The following VTI1A variants were observed in gnomAD, a reference collection of about 807,000 sequenced individuals.
The protein encoded by VTI1A is vesicle transport through interaction with t-SNAREs 1A.
Under a neutral mutation model 34.9 loss-of-function variants are expected in VTI1A, and 22 were observed. The observed-to-expected ratio is 0.63, with a 90% confidence interval of 0.45 to 0.90. The LOEUF is 0.90. VTI1A is among the 40% of genes least tolerant of loss of function. The pLI is 0.00. For synonymous variants in VTI1A, 87 were observed against 97.3 expected (o/e 0.89, Z 0.62); for missense variants, 268 against 275.6 (o/e 0.97, Z 0.20).
intron 7 of VTI1A, among the ~76,000 whole-genome samples, chr10:112,683,967 C>T (rs1020463030): frequency 2.0e-5 from 3 of 151,050 alleles, no homozygotes; most frequent in Admixed American, 6.6e-5. Flanking sequence ...CGCTTGAACC[C>T]GGGAGGTAGA....
intron 7 of VTI1A, among the ~76,000 whole-genome samples, chr10:112,706,351 T>C (rs1362144225): frequency 6.6e-6 from 1 of 152,206 alleles, no homozygotes; most frequent in East Asian, 1.9e-4. Context: ...TTTATTTCAT[T>C]TGACTTCAAA....
At position 112,721,646 on chromosome 10, in the gene VTI1A, G is replaced by T. The variant is rs1849810356; in HGVS notation, c.560+52648G>T. 3.3e-5 allele frequency among the ~76,000 whole-genome samples: 5 copies of T among 152,172 alleles called. 1 individual carries two copies. In the South Asian group the frequency reaches 1.0e-3, roughly 32 times the overall value. On this transcript the variant is annotated intron_variant, in intron 7 of 7. Coordinates refer to ENST00000393077, the MANE Select transcript of VTI1A (RefSeq NM_145206.4). ...TCTCTTGGCTCCCATGTAGTCCTGT[G>T]TATTCCCTCCAGTGTACCATCCTCC...
At chr10:112,741,300 G>A (rs532993903) in intron 7 of VTI1A, among the ~76,000 whole-genome samples, 1 of 152,130 alleles carries the variant, frequency 6.6e-6, no homozygotes, top group East Asian at 1.9e-4. Context: ...ACTAAAAATA[G>A]AAAAATTATC....
intron 5 of VTI1A, among the ~76,000 whole-genome samples, chr10:112,640,119 A>C (rs1283055762): frequency 6.6e-6 from 1 of 152,190 alleles, no homozygotes; most frequent in African/African-American, 2.4e-5. Context: ...GAATATGAGA[A>C]TATCTCTTAA....
intron 7 of VTI1A, among the ~76,000 whole-genome samples, chr10:112,776,295 G>C (rs1851954632): frequency 6.6e-6 from 1 of 152,166 alleles, no homozygotes; most frequent in Non-Finnish European, 1.5e-5. Context: ...TTGGGGTGGG[G>C]TACTGGGATT....
At chr10:112,449,994 GCTCAAGTCTACTCCCAC>G (rs950900261) in intron 1 of VTI1A, 1 of 151,940 alleles carries the variant, frequency 6.6e-6, no homozygotes, top group African/African-American at 2.4e-5. Context: ...CTCCCTCACG[GCTCAAGTCTACTCCCAC>G]CTCAGCCTCC....
At chr10:112,780,877 C>T (rs1234576345) in intron 7 of VTI1A, among the ~76,000 whole-genome samples, 1 of 152,150 alleles carries the variant, frequency 6.6e-6, no homozygotes, top group Non-Finnish European at 1.5e-5. Context: ...GGCCTTTGCA[C>T]ATGCTGTGCC....
chr10:112,588,113 A>T (rs1432752206), intron 5 of VTI1A, among the ~76,000 whole-genome samples: 1 of 152,188 alleles, frequency 6.6e-6, no homozygotes, highest in Non-Finnish European at 1.5e-5. Context: ...GTATCTTCTA[A>T]CTTGAACTTA....
At chr10:112,774,890 C>A (rs1236544159) in intron 7 of VTI1A, among the ~76,000 whole-genome samples, 2 of 152,132 alleles carry the variant, frequency 1.3e-5, no homozygotes, top group Non-Finnish European at 2.9e-5. Flanking sequence ...GATTGCTGTG[C>A]CCTTTTGTGT....
At chr10:112,752,407 T>C in intron 7 of VTI1A, 1 of 985,438 alleles carries the variant, frequency 1.0e-6, no homozygotes, top group African/African-American at 1.7e-5. Flanking sequence ...CTGATATCTC[T>C]TTACCGGGGA....
At chr10:112,628,638 G>A (rs1846010775) in intron 5 of VTI1A, among the ~76,000 whole-genome samples, 1 of 152,094 alleles carries the variant, frequency 6.6e-6, no homozygotes, top group African/African-American at 2.4e-5. Flanking sequence ...GTTTGAGTTT[G>A]TTTATTTTTA....
intron 5 of VTI1A, among the ~76,000 whole-genome samples, chr10:112,575,379 A>G (rs1436176590): frequency 6.6e-6 from 1 of 152,186 alleles, no homozygotes; most frequent in Non-Finnish European, 1.5e-5. Flanking sequence ...TGTTTTCATA[A>G]ATGTACAAGT....
chr10:112,640,564 A>C (rs73350537), intron 5 of VTI1A, among the ~76,000 whole-genome samples: 3,100 of 152,174 alleles, frequency 0.02, 96 homozygotes, highest in African/African-American at 0.068. Context: ...ACAACAACAA[A>C]AAAAAACCCC....
intron 3 of VTI1A, among the ~76,000 whole-genome samples, chr10:112,475,170 T>C (rs1016796372): frequency 1.8e-4 from 28 of 152,270 alleles, no homozygotes; most frequent in African/African-American, 5.8e-4. Context: ...TTCTTCACTT[T>C]GGAAACTCTG....
At chr10:112,619,213 C>A (rs1174391167) in intron 5 of VTI1A, among the ~76,000 whole-genome samples, 1 of 151,838 alleles carries the variant, frequency 6.6e-6, no homozygotes, top group Non-Finnish European at 1.5e-5. Context: ...GTGGTCCGAG[C>A]CAATCCATTG....
chr10:112,607,285 T>G (rs1230423540), intron 5 of VTI1A, among the ~76,000 whole-genome samples: 1 of 144,732 alleles, frequency 6.9e-6, no homozygotes, highest in Non-Finnish European at 1.5e-5. Context: ...AGACTCCATC[T>G]CAAAAAAAAA....
At chr10:112,616,911 G>A (rs1208253990) in intron 5 of VTI1A, among the ~76,000 whole-genome samples, 3 of 152,170 alleles carry the variant, frequency 2.0e-5, no homozygotes, top group Non-Finnish European at 4.4e-5. Context: ...GTTGAGACAT[G>A]TAGGATACAA....
the VTI1A span, among the ~76,000 whole-genome samples, chr10:112,830,456 G>T: frequency 6.6e-6 from 1 of 151,130 alleles, no homozygotes; most frequent in African/African-American, 2.4e-5. Flanking sequence ...CCTGTCTCAG[G>T]TTACATACAC....
chr10:112,534,101 C>A (rs189413077), intron 4 of VTI1A, among the ~76,000 whole-genome samples: 2 of 152,052 alleles, frequency 1.3e-5, no homozygotes, highest in East Asian at 1.9e-4. Context: ...CCAAAGCTTT[C>A]GTCATTGTTA....
Sources: gnomAD v4.1 joint callset for allele counts (sites outside exome capture counted in the v4.1 genomes callset) on GRCh38, gnomAD v4.1.1 for gene constraint, MANE v1.5 for transcripts, NCBI Gene and HGNC (gene_info 2026-07-23, HGNC 2026-07-21) for gene names.